The following SLC43A2 variants were observed in gnomAD, a reference collection of about 807,000 sequenced individuals.
SLC43A2 encodes the protein solute carrier family 43 member 2.
A neutral mutation model predicts 63.2 loss-of-function variants in SLC43A2; 38 were observed. The ratio of observed to expected loss-of-function variants is 0.60; its 90% CI spans 0.46 to 0.79. The LOEUF (loss-of-function observed/expected upper bound fraction) is 0.79, where lower values mean the gene tolerates loss of function less well. Ranked by LOEUF, SLC43A2 falls within the 30% of genes least tolerant of loss-of-function variation. The probability of loss-of-function intolerance (pLI) is 0.00; values close to 1 mark genes in which losing one functional copy is unlikely to be tolerated. For missense variants in SLC43A2, 644 were observed against 756.2 expected, an observed-to-expected ratio of 0.85 and a Z score of 1.74; for synonymous variants, 322 against 331.0, an observed-to-expected ratio of 0.97 and a Z score of 0.30.
chr17:1,605,240 C>T lies in SLC43A2; in HGVS notation c.501+7955G>A, dbSNP rs935882679. On this transcript the variant is annotated intron_variant, in intron 5 of 13. Transcript: ENST00000301335. The surrounding 1 kb of genome is among the most constrained non-coding windows in gnomAD (Gnocchi z 4.9). ...CACAGGGAAGCCCGTGACTCTCTCT[C>T]TTTCAGCCCCCTGGCTGCAGCATAA... 3.9e-4 allele frequency: 424 copies of T among 1,075,346 alleles called. No homozygotes were observed. Among genetic ancestry groups the T allele is most frequent in the Non-Finnish European group, 4.7e-4 (411 of 882,660 alleles). 66.6% of individuals were successfully genotyped at this position (1,075,346 alleles called of 1,614,324 possible).
In SLC43A2 at chr17:1,573,620, CTTTT is replaced by C. The variant is rs936284623; in HGVS notation, c.*1980_*1983del. ...GGAGTGGGCATGTTTATCTCGTTCT[CTTTT>C]TTTTTTTCTTTTTGAGACGGAGCCT... On this transcript the variant is annotated 3_prime_UTR_variant, in exon 14 of 14. Transcript: ENST00000301335. The C allele has an allele frequency of 6.7e-6, 1 of 148,534 alleles. No individual in the cohort carries two copies. 9.2% of individuals were successfully genotyped at this position (148,534 alleles called of 1,614,324 possible). A position where few individuals can be genotyped will look rare whatever the true frequency, so the allele number is the denominator to read the frequency against.
chr17:1,627,901 C>CGGCTCCGGCTCT lies in SLC43A2; in HGVS notation c.-39_-28dup. The CGGCTCCGGCTCT allele has an allele frequency of 6.5e-7, 1 of 1,531,964 alleles. No individual in the cohort carries two copies. The highest frequency in any genetic ancestry group is 1.2e-5 in the South Asian group (1 of 81,666). 94.9% of individuals were successfully genotyped at this position (1,531,964 alleles called of 1,614,324 possible). A position where few individuals can be genotyped will look rare whatever the true frequency, so the allele number is the denominator to read the frequency against. On this transcript the variant is annotated 5_prime_UTR_variant, in exon 2 of 14. Coordinates refer to ENST00000301335, the MANE Select transcript of SLC43A2 (RefSeq NM_152346.3). ...GTGCGGCGCGGCGCGGCTCCGGCTC[C>CGGCTCCGGCTCT]GGCTCCGGCTCTGCACCACCTGCGC...
intron 2 of SLC43A2, among the ~76,000 whole-genome samples, chr17:1,624,429 G>A (rs1246023687): frequency 3.3e-5 from 5 of 151,528 alleles, no homozygotes; most frequent in South Asian, 2.1e-4. Context: ...TTGACCGGGC[G>A]TGGTGGCTCA....
chr17:1,605,997 T>C lies in SLC43A2; in HGVS notation c.501+7198A>G, dbSNP rs531193466. 5.9e-5 allele frequency among the ~76,000 whole-genome samples: 9 copies of C among 152,294 alleles called. No homozygotes were observed. In the South Asian group the frequency reaches 1.4e-3, roughly 25 times the overall value. On this transcript the variant is annotated intron_variant, in intron 5 of 13. Coordinates refer to ENST00000301335, the MANE Select transcript of SLC43A2 (RefSeq NM_152346.3). This position sits in a 1 kb window ranked among gnomAD's most constrained non-coding sequence, Gnocchi z 4.9. ...AAATTCATGAGGCAGAACCCTCAGA[T>C]GGCAAATTCTCCCCAAACCAATGGC...
rs56300816 is a variant in SLC43A2, at chr17:1,605,104, T to C, written c.501+8091A>G. ...CACAGGTGGGAGTGCAAGCCCCTCT[T>C]CCCGCCCTCAGGTGCTTCCCACAGC... On this transcript the variant is annotated intron_variant, in intron 5 of 13. Transcript: ENST00000301335. The surrounding 1 kb of genome is among the most constrained non-coding windows in gnomAD (Gnocchi z 4.9). 245,500 of 1,341,506 alleles carry C rather than the reference T, an allele frequency of 0.18. 24,563 individuals are homozygous for C. The highest frequency in any genetic ancestry group is 0.41 in the East Asian group (13,199 of 32,234). 83.1% of individuals were successfully genotyped at this position (1,341,506 alleles called of 1,614,324 possible).
Position 1,583,547 on chromosome 17 carries a change from G to C in SLC43A2, c.1218-211C>G. On this transcript the variant is annotated intron_variant, in intron 10 of 13. Transcript: ENST00000301335. This position sits in a 1 kb window ranked among gnomAD's most constrained non-coding sequence, Gnocchi z 5.5. ...GGCAAGCTGAGTGTGACTCTCGGAG[G>C]GGGTCTCGGGTACAAGAAGATGGCC... 1 of 721,264 alleles carries C rather than the reference G, an allele frequency of 1.4e-6. No individual in the cohort carries two copies. Among genetic ancestry groups the C allele is most frequent in the Non-Finnish European group, 2.2e-6 (1 of 460,082 alleles). The allele number at this position is 721,264 out of a possible 1,614,324, so 44.7% of individuals were successfully genotyped here. A position where few individuals can be genotyped will look rare whatever the true frequency, so the allele number is the denominator to read the frequency against.
At chr17:1,600,713 A>C (rs1278949076) in intron 5 of SLC43A2, among the ~76,000 whole-genome samples, 1 of 151,466 alleles carries the variant, frequency 6.6e-6, no homozygotes, top group Non-Finnish European at 1.5e-5. Flanking sequence ...ACCTGCTATG[A>C]CATCCAGGTA....
At position 1,570,124 on chromosome 17, in the gene SLC43A2, A is replaced by C. The variant is rs1021008232; in HGVS notation, c.*5480T>G. The C allele has an allele frequency of 1.3e-5, 2 of 150,984 alleles. No individual in the cohort carries two copies. Among genetic ancestry groups the C allele is most frequent in the Admixed American group, 1.3e-4 (2 of 15,168 alleles). 9.4% of individuals were successfully genotyped at this position (150,984 alleles called of 1,614,324 possible). A position where few individuals can be genotyped will look rare whatever the true frequency, so the allele number is the denominator to read the frequency against. ...TAGCCACGTTGGTCTCGATCTCCTG[A>C]CCTTGTGATCCGCCCGCCTCAGCCT... On this transcript the variant is annotated 3_prime_UTR_variant, in exon 14 of 14. Coordinates refer to ENST00000301335, the MANE Select transcript of SLC43A2 (RefSeq NM_152346.3).
At chr17:1,590,361 GT>G in intron 9 of SLC43A2, among the ~76,000 whole-genome samples, 1 of 152,202 alleles carries the variant, frequency 6.6e-6, no homozygotes, top group Middle Eastern at 3.4e-3. Flanking sequence ...GTGTGGGCCA[GT>G]TGCCCCAGCG....
chr17:1,581,806 G>GTTT (rs926906202), intron 11 of SLC43A2, among the ~76,000 whole-genome samples: 16 of 140,736 alleles, frequency 1.1e-4, no homozygotes, highest in Non-Finnish European at 7.8e-5. Flanking sequence ...AAGAAATTCA[G>GTTT]TTTTTTTTTT....
At chr17:1,599,097 G>C (rs1005649523) in intron 5 of SLC43A2, among the ~76,000 whole-genome samples, 5 of 151,838 alleles carry the variant, frequency 3.3e-5, no homozygotes, top group African/African-American at 1.2e-4. Context: ...GCCTGTAATC[G>C]CAACACTTTG....
At chr17:1,590,682 G>A in intron 9 of SLC43A2, 120 bp downstream of exon 9, 1 of 1,283,444 alleles carries the variant, frequency 7.8e-7, no homozygotes, top group African/African-American at 1.5e-5. Flanking sequence ...GACAGCTCCT[G>A]GGATGCGGCC....
At position 1,575,222 on chromosome 17, in the gene SLC43A2, G is replaced by C; in HGVS notation, c.*382C>G. ...CAGGTACGGCTGTGGGCATGCAGCC[G>C]AGGGGCAGGTGGCAGGCAGGGGATG... On this transcript the variant is annotated 3_prime_UTR_variant, in exon 14 of 14. Coordinates refer to ENST00000301335, the MANE Select transcript of SLC43A2 (RefSeq NM_152346.3). 1 of 341,588 alleles carries C rather than the reference G, an allele frequency of 2.9e-6. No homozygotes were observed. Among genetic ancestry groups the C allele is most frequent in the Middle Eastern group, 9.4e-4 (1 of 1,062 alleles). 21.2% of individuals were successfully genotyped at this position (341,588 alleles called of 1,614,324 possible).
At chr17:1,587,670 C>A (rs4790660) in intron 9 of SLC43A2, among the ~76,000 whole-genome samples, 74,852 of 152,104 alleles carry the variant, frequency 0.49, 19,251 homozygotes, top group East Asian at 0.82. Flanking sequence ...GCTCCTCCAT[C>A]ACTCCAGGCC....
chr17:1,604,097 G>A (rs773978437), intron 5 of SLC43A2, among the ~76,000 whole-genome samples: 3 of 152,170 alleles, frequency 2.0e-5, no homozygotes, highest in Non-Finnish European at 4.4e-5. Flanking sequence ...CTACAGTGCA[G>A]CAGCACAATC....
intron 11 of SLC43A2, among the ~76,000 whole-genome samples, chr17:1,581,338 C>T (rs2076010839): frequency 6.6e-6 from 1 of 152,236 alleles, no homozygotes; most frequent in East Asian, 1.9e-4. Context: ...TGCCCCTCGA[C>T]TGGACAAGGC....
At chr17:1,587,575 C>T (rs1318495445) in intron 9 of SLC43A2, among the ~76,000 whole-genome samples, 5 of 152,266 alleles carry the variant, frequency 3.3e-5, no homozygotes, top group African/African-American at 9.6e-5. Flanking sequence ...GCTGCTGCTC[C>T]GAGTGGAATG....
chr17:1,570,487 G>GTT lies in SLC43A2; in HGVS notation c.*5115_*5116dup, dbSNP rs1167305329. The stretch of plus-strand genomic sequence containing the variant: ...GGGCACTGAAAACGATGCTACCATT[G>GTT]TTTTTTTTTTTTTTTTTGAGACGGA... On this transcript the variant is annotated 3_prime_UTR_variant, in exon 14 of 14. Coordinates refer to ENST00000301335, the MANE Select transcript of SLC43A2 (RefSeq NM_152346.3). 1.3e-3 allele frequency: 180 copies of GTT among 134,288 alleles called. No homozygotes were observed. Among genetic ancestry groups the GTT allele is most frequent in the African/African-American group, 4.2e-3 (154 of 36,478 alleles). 8.3% of individuals were successfully genotyped at this position (134,288 alleles called of 1,614,324 possible).
Position 1,605,947 on chromosome 17 carries a change from T to C in SLC43A2, c.501+7248A>G, listed in dbSNP as rs2151065462. Among the ~76,000 whole-genome samples the C allele has an allele frequency of 6.6e-6, 1 of 152,262 alleles. No homozygotes were observed. Among genetic ancestry groups the C allele is most frequent in the Admixed American group, 6.5e-5 (1 of 15,292 alleles). On this transcript the variant is annotated intron_variant, in intron 5 of 13. Transcript: ENST00000301335. The surrounding 1 kb of genome is among the most constrained non-coding windows in gnomAD (Gnocchi z 4.9). ...CCTGCCAATACCGCTGCCCTTTCCG[T>C]CTGAACGTGGTCACATACTGCAGCA...
Sources: allele counts gnomAD v4.1 joint callset (sites outside exome capture counted in the v4.1 genomes callset), GRCh38; gene constraint gnomAD v4.1.1; non-coding constraint Gnocchi (gnomAD v3.1); transcripts MANE v1.5; gene names NCBI Gene and HGNC (gene_info 2026-07-23, HGNC 2026-07-21).